DIP2C: variants seen among roughly 807,000 people sequenced by gnomAD.
DIP2C encodes the protein DIP2 acetate--CoA ligase C (putative).
DIP2C carries 33 observed loss-of-function variants against 192.4 expected under a neutral mutation model. That is an observed-to-expected ratio of 0.17 (90% CI 0.13 to 0.23). DIP2C has a LOEUF of 0.23. Among genes scored for constraint, DIP2C ranks in the 10% least tolerant of loss-of-function variants. DIP2C has a pLI of 1.00. For missense variants in DIP2C, 1,537 were observed against 2,110.1 expected (o/e 0.73, Z 5.32); for synonymous variants, 979 against 864.1 (o/e 1.13, Z -2.33).
chr10:328,887 T>C (rs767286001), intron 30 of DIP2C, among the ~76,000 whole-genome samples: 1 of 152,208 alleles, frequency 6.6e-6, no homozygotes, highest in Non-Finnish European at 1.5e-5. Context: ...CATGAAGATA[T>C]ACGTATCAAA....
At position 340,247 on chromosome 10, in the gene DIP2C, G is replaced by T. The variant is rs374563288; in HGVS notation, c.3584+952C>A. ...ATCATAACCAATTTCATACTGTAGC[G>T]TCTCAGTTTTATAAATATATTAACA... On this transcript the variant is annotated intron_variant, in intron 29 of 36. Transcript: ENST00000280886. Among the ~76,000 whole-genome samples the T allele has an allele frequency of 4.6e-5, 7 of 151,428 alleles. No homozygotes were observed. In the South Asian group the frequency reaches 1.5e-3, roughly 32 times the overall value.
intron 1 of DIP2C, among the ~76,000 whole-genome samples, chr10:645,717 A>G (rs1855412168): frequency 6.6e-6 from 1 of 152,240 alleles, no homozygotes; most frequent in Non-Finnish European, 1.5e-5. Context: ...AAAAGCAAAC[A>G]GCAAAAACAG....
At chr10:585,897 A>C (rs1850994316) in intron 1 of DIP2C, among the ~76,000 whole-genome samples, 1 of 152,162 alleles carries the variant, frequency 6.6e-6, no homozygotes, top group South Asian at 2.1e-4. Flanking sequence ...ACCATATTAG[A>C]GGGTTAAGGG....
chr10:591,678 C>A (rs763700047), intron 1 of DIP2C, among the ~76,000 whole-genome samples: 17 of 152,176 alleles, frequency 1.1e-4, no homozygotes, highest in Non-Finnish European at 2.2e-4. Flanking sequence ...GTGAGTTAGA[C>A]ACAAGGACGA....
Position 327,432 on chromosome 10 carries a change from G to A in DIP2C, c.3754-256C>T, listed in dbSNP as rs77049248. Among the ~76,000 whole-genome samples, 19 of 152,328 alleles carry A rather than the reference G, an allele frequency of 1.2e-4. No individual in the cohort carries two copies. The East Asian group carries it at 3.7e-3, about 29-fold the overall frequency. On this transcript the variant is annotated intron_variant, in intron 30 of 36. Transcript: ENST00000280886. ...ACCACCTGGAGCCACAGCAAGAACT[G>A]TTATGAGGAAAAAGGTTGAGGAAAA...
At chr10:358,725 GT>G (rs1959183574) in intron 22 of DIP2C, among the ~76,000 whole-genome samples, 1 of 3,428 alleles carries the variant, frequency 2.9e-4, no homozygotes, top group Admixed American at 2.6e-3. Context: ...GGGGACGGGG[GT>G]GGGAGGTGGG....
intron 24 of DIP2C, among the ~76,000 whole-genome samples, chr10:356,007 G>A (rs924296054): frequency 7.2e-5 from 11 of 152,198 alleles, no homozygotes; most frequent in Admixed American, 2.6e-4. Context: ...TTCAACCAGG[G>A]AGGTGGAGGT....
intron 9 of DIP2C, among the ~76,000 whole-genome samples, chr10:405,909 C>T (rs10795103): frequency 1.3e-5 from 2 of 151,996 alleles, no homozygotes; most frequent in African/African-American, 4.8e-5. Context: ...CAAGAGCTAC[C>T]GGCTCATCTT....
At chr10:568,564 G>C (rs540761918) in intron 1 of DIP2C, among the ~76,000 whole-genome samples, 1 of 151,738 alleles carries the variant, frequency 6.6e-6, no homozygotes, top group African/African-American at 2.4e-5. Context: ...TCAGGAGATC[G>C]AGACCATCCT....
rs577827286 is a variant in DIP2C at position 444,642 on chromosome 10, C to T, written c.269-3646G>A. 6.6e-5 allele frequency among the ~76,000 whole-genome samples: 10 copies of T among 152,294 alleles called. No homozygotes were observed. The South Asian group carries it at 1.9e-3, about 28-fold the overall frequency. ...TGAGGAGTGTTCCTTGGCGCTATTC[C>T]GTCACCTGACACTCGTGTAGATTCT... On this transcript the variant is annotated intron_variant, in intron 3 of 36. Coordinates refer to ENST00000280886, the MANE Select transcript of DIP2C (RefSeq NM_014974.3).
In DIP2C at chr10:363,341, G is replaced by A. The variant is rs145456429; in HGVS notation, c.2478-30C>T. 6.6e-5 allele frequency: 105 copies of A among 1,595,528 alleles called. No individual in the cohort carries two copies. The East Asian group carries it at 1.7e-3, about 26-fold the overall frequency. ...GGGGACACAGGAGCATGGTGAGCAC[G>A]CGCCGGGGACGCTCATGCAGCCCTC... On this transcript the variant is annotated intron_variant, in intron 20 of 36. Coordinates refer to ENST00000280886, the MANE Select transcript of DIP2C (RefSeq NM_014974.3). The surrounding 1 kb of genome is among the most constrained non-coding windows in gnomAD (Gnocchi z 5.4).
intron 1 of DIP2C, among the ~76,000 whole-genome samples, chr10:555,264 G>T (rs1056751531): frequency 1.3e-5 from 2 of 151,912 alleles, no homozygotes; most frequent in Non-Finnish European, 2.9e-5. Context: ...GCTCTTCTGG[G>T]CTCTTTGCTG....
chr10:472,343 C>G lies in DIP2C; in HGVS notation c.268+96G>C, dbSNP rs563649713. 7.6e-4 allele frequency: 870 copies of G among 1,151,306 alleles called. 3 individuals carry two copies. Among genetic ancestry groups the G allele is most frequent in the Non-Finnish European group, 9.9e-4 (775 of 784,898 alleles). The allele number at this position is 1,151,306 out of a possible 1,614,324, so 71.3% of individuals were successfully genotyped here. On this transcript the variant is annotated intron_variant, in intron 3 of 36. Coordinates refer to ENST00000280886, the MANE Select transcript of DIP2C (RefSeq NM_014974.3). ...GCCCCTCGCGTGCTGCAGGTCCACG[C>G]CCACTGCACTTCTGCCTCGCCCAGT...
rs572255063 is a variant in DIP2C at position 588,842 on chromosome 10, C to T, written c.85+100652G>A. Among the ~76,000 whole-genome samples the T allele has an allele frequency of 2.7e-4, 41 of 152,342 alleles. 1 individual carries two copies. The South Asian group carries it at 7.9e-3, about 29-fold the overall frequency. ...TCTGGACACAGTTTTTCTTGAACAT[C>T]AGCTTCTGTTTCTCTGGGGTAAATA... is the stretch of plus-strand genomic sequence containing the variant. On this transcript the variant is annotated intron_variant, in intron 1 of 36. Transcript: ENST00000280886.
chr10:674,789 T>TATATATATATATATATAGAG lies in DIP2C; in HGVS notation c.85+14704_85+14705insCTCTATATATATATATATAT. Among the ~76,000 whole-genome samples the TATATATATATATATATAGAG allele has an allele frequency of 9.4e-4, 59 of 62,468 alleles. 1 individual carries two copies. Among genetic ancestry groups the TATATATATATATATATAGAG allele is most frequent in the African/African-American group, 1.7e-3 (19 of 11,062 alleles). The allele number at this position is 62,468 out of a possible 152,430, so 41.0% of individuals were successfully genotyped here. A position where few individuals can be genotyped will look rare whatever the true frequency, so the allele number is the denominator to read the frequency against. On this transcript the variant is annotated intron_variant, in intron 1 of 36. Transcript: ENST00000280886. ...CATCTCAAATATATATATATATATA[T>TATATATATATATATATAGAG]AGAGAGAGAGAGAGAGAGAGAGAGA...
intron 4 of DIP2C, among the ~76,000 whole-genome samples, chr10:433,443 G>A (rs529217477): frequency 7.2e-5 from 11 of 152,150 alleles, no homozygotes; most frequent in East Asian, 1.9e-4. Flanking sequence ...TTAGGAGGCC[G>A]AGGCAGGATG....
At chr10:491,279 G>A (rs1234039330) in intron 1 of DIP2C, among the ~76,000 whole-genome samples, 1 of 152,176 alleles carries the variant, frequency 6.6e-6, no homozygotes, top group African/African-American at 2.4e-5. Flanking sequence ...CGGCAGTGGC[G>A]GTTTCCATGT....
chr10:368,566 C>T (rs906542278), intron 18 of DIP2C, among the ~76,000 whole-genome samples: 21 of 152,110 alleles, frequency 1.4e-4, no homozygotes, highest in African/African-American at 4.3e-4. Context: ...CCAAACAGGC[C>T]GAACAGAAAG....
At chr10:604,801 A>C (rs917443446) in intron 1 of DIP2C, among the ~76,000 whole-genome samples, 2 of 152,228 alleles carry the variant, frequency 1.3e-5, no homozygotes, top group Non-Finnish European at 2.9e-5. Flanking sequence ...TTGGATAAGC[A>C]TGATTTTCTT....
Sources: gnomAD v4.1 joint callset for allele counts (sites outside exome capture counted in the v4.1 genomes callset) on GRCh38, gnomAD v4.1.1 for gene constraint, Gnocchi (gnomAD v3.1) non-coding constraint, MANE v1.5 for transcripts, NCBI Gene and HGNC (gene_info 2026-07-23, HGNC 2026-07-21) for gene names.